Variants in MED27 observed in about 807,000 individuals in gnomAD.
MED27 encodes mediator complex subunit 27.
Under a neutral mutation model 38.2 loss-of-function variants are expected in MED27, and 30 were observed. That is an observed-to-expected ratio of 0.79 (90% CI 0.59 to 1.07). The LOEUF (loss-of-function observed/expected upper bound fraction) is 1.07. MED27 is among the 50% of genes least tolerant of loss of function. The pLI is 0.00. For synonymous variants in MED27, 122 were observed against 153.5 expected (o/e 0.79, Z 1.52); for missense variants, 289 against 397.5 (o/e 0.73, Z 2.32).
chr9:132,060,560 C>T (rs572299548), intron 2 of MED27, among the ~76,000 whole-genome samples: 38 of 152,292 alleles, frequency 2.5e-4, no homozygotes, highest in African/African-American at 8.4e-4. Flanking sequence ...CTTCAAGGGC[C>T]GCCCTTTCCA....
intron 1 of MED27, among the ~76,000 whole-genome samples, chr9:132,078,369 T>C (rs1445485975): frequency 1.3e-5 from 2 of 152,170 alleles, no homozygotes; most frequent in Admixed American, 6.5e-5. Flanking sequence ...TTAAAGTTTC[T>C]ATTTAAAATG....
chr9:131,953,408 G>T (rs1018297161), intron 3 of MED27, among the ~76,000 whole-genome samples: 1 of 152,150 alleles, frequency 6.6e-6, no homozygotes, highest in African/African-American at 2.4e-5. Flanking sequence ...TTTCCAAAAT[G>T]TCATACACAT....
At chr9:132,067,900 G>A (rs1375382564) in intron 2 of MED27, among the ~76,000 whole-genome samples, 1 of 152,134 alleles carries the variant, frequency 6.6e-6, no homozygotes, top group East Asian at 1.9e-4. Flanking sequence ...TTTTAGTAGA[G>A]ACGGGGTTTC....
chr9:131,888,094 T>C (rs1231184437), intron 5 of MED27, among the ~76,000 whole-genome samples: 1 of 152,160 alleles, frequency 6.6e-6, no homozygotes, highest in Non-Finnish European at 1.5e-5. Context: ...AGCGACCCAG[T>C]ATCAGCAGGC....
In MED27 at chr9:131,939,451, C is replaced by A. The variant is rs770684369; in HGVS notation, c.503G>T (p.Arg168Leu). ...CATTTCAGGAAACATCCTGTCAATG[C>A]GGCTGATCACATCATCAACATATCT... ...PPQYVDDVIS[R>L]IDRMFPEMSI... Residue 168 changes from arginine (R) to leucine (L), a missense_variant, in exon 4 of 8, where the codon CGC (arginine) becomes CTC (leucine). Arg to Leu is a moderately radical substitution (Grantham distance 102). Transcript: ENST00000292035. 3.1e-6 allele frequency: 5 copies of A among 1,608,698 alleles called. No homozygotes were observed. The highest frequency in any genetic ancestry group is 4.2e-6 in the Non-Finnish European group (5 of 1,177,584).
intron 2 of MED27, among the ~76,000 whole-genome samples, chr9:132,034,996 T>A (rs1198186502): frequency 1.3e-5 from 2 of 152,176 alleles, no homozygotes; most frequent in African/African-American, 2.4e-5. Context: ...AAATGAGTAG[T>A]ATGTAAACGG....
chr9:131,978,674 C>CAAA (rs998752205), intron 3 of MED27, among the ~76,000 whole-genome samples: 6 of 151,984 alleles, frequency 3.9e-5, no homozygotes, highest in Admixed American at 6.6e-5. Context: ...AAAGTTAAAA[C>CAAA]AACAACAACA....
At chr9:131,914,877 T>C (rs549266287) in intron 4 of MED27, among the ~76,000 whole-genome samples, 1 of 152,272 alleles carries the variant, frequency 6.6e-6, no homozygotes, top group African/African-American at 2.4e-5. Context: ...GAAGAACCCA[T>C]GGAATTTACC....
rs1404260824 is a variant in MED27 at position 132,003,465 on chromosome 9, G to T, written c.479+10872C>A. ...TTAGCTGAGAGTGAGGCCAGGATCAGAACCAGACACTAAGGGCCACAAGGG... is the reference window on the plus strand; with the variant it reads ...TTAGCTGAGAGTGAGGCCAGGATCATAACCAGACACTAAGGGCCACAAGGG... On this transcript the variant is annotated intron_variant, in intron 3 of 7. Coordinates refer to ENST00000292035, the MANE Select transcript of MED27 (RefSeq NM_004269.4). This position sits in a 1 kb window ranked among gnomAD's most constrained non-coding sequence, Gnocchi z 4.2. Among the ~76,000 whole-genome samples the T allele has an allele frequency of 6.6e-6, 1 of 152,182 alleles. No individual in the cohort carries two copies.
At chr9:132,028,568 A>G (rs1013731033) in intron 2 of MED27, among the ~76,000 whole-genome samples, 2 of 152,076 alleles carry the variant, frequency 1.3e-5, no homozygotes, top group African/African-American at 4.8e-5. Context: ...AGCCAGACCT[A>G]TATACCCTGC....
chr9:131,894,621 T>TAA (rs58620636), intron 4 of MED27, among the ~76,000 whole-genome samples: 11 of 148,606 alleles, frequency 7.4e-5, no homozygotes, highest in Admixed American at 1.3e-4. Context: ...TATTATACAT[T>TAA]AAAAAAAAAA....
At chr9:132,012,373 T>C (rs980195949) in intron 3 of MED27, among the ~76,000 whole-genome samples, 1 of 152,254 alleles carries the variant, frequency 6.6e-6, no homozygotes, top group Non-Finnish European at 1.5e-5. Flanking sequence ...TAAAAGCAGC[T>C]GTCCCTGTAG....
At chr9:132,066,901 C>T (rs1259483429) in intron 2 of MED27, among the ~76,000 whole-genome samples, 1 of 152,216 alleles carries the variant, frequency 6.6e-6, no homozygotes, top group Non-Finnish European at 1.5e-5. Flanking sequence ...AGCCAAAGAA[C>T]TGGAGAAGAA....
At chr9:131,975,071 A>C (rs1831574625) in intron 3 of MED27, among the ~76,000 whole-genome samples, 1 of 152,232 alleles carries the variant, frequency 6.6e-6, no homozygotes, top group African/African-American at 2.4e-5. Context: ...AAAAGCCACG[A>C]AAAGAAACAT....
At chr9:132,044,978 GA>G (rs1210773470) in intron 2 of MED27, among the ~76,000 whole-genome samples, 1 of 151,978 alleles carries the variant, frequency 6.6e-6, no homozygotes, top group Non-Finnish European at 1.5e-5. Flanking sequence ...AATATGGGAG[GA>G]AAAACAGATG....
At chr9:131,880,456 T>C (rs1038840701) in intron 6 of MED27, among the ~76,000 whole-genome samples, 2 of 152,226 alleles carry the variant, frequency 1.3e-5, no homozygotes, top group African/African-American at 4.8e-5. Flanking sequence ...CCAATTGTGG[T>C]TCTTTAATCT....
intron 6 of MED27, among the ~76,000 whole-genome samples, chr9:131,882,532 G>C (rs542215406): frequency 6.6e-6 from 1 of 152,336 alleles, no homozygotes; most frequent in South Asian, 2.1e-4. Context: ...TCATCGTGGG[G>C]ATAACTCGGA....
intron 2 of MED27, among the ~76,000 whole-genome samples, chr9:132,060,949 AAAC>A (rs796844443): frequency 1.5e-4 from 23 of 152,090 alleles, no homozygotes; most frequent in African/African-American, 3.1e-4. Flanking sequence ...ACTCCATCTC[AAAC>A]AACAACAACA....
chr9:132,054,779 C>T (rs745720306), intron 2 of MED27, among the ~76,000 whole-genome samples: 1 of 152,200 alleles, frequency 6.6e-6, no homozygotes, highest in Non-Finnish European at 1.5e-5. Flanking sequence ...GCCTAACACA[C>T]CTGCAAATCT....
Sources: gnomAD v4.1 joint callset for allele counts (sites outside exome capture counted in the v4.1 genomes callset) on GRCh38, gnomAD v4.1.1 for gene constraint, Gnocchi (gnomAD v3.1) non-coding constraint, MANE v1.5 for transcripts, NCBI Gene and HGNC (gene_info 2026-07-23, HGNC 2026-07-21) for gene names.